The following NUCB1 variants were observed in gnomAD, a reference collection of about 807,000 sequenced individuals.
NUCB1 encodes the protein nucleobindin-1.
A neutral mutation model predicts 61.2 loss-of-function variants in NUCB1; 47 were observed. The observed-to-expected ratio is 0.77, with a 90% CI of 0.61 to 0.98. The LOEUF (loss-of-function observed/expected upper bound fraction) is 0.98, where lower values mean the gene tolerates loss of function less well. Among genes scored for constraint, NUCB1 ranks in the 50% least tolerant of loss-of-function variants. The pLI, the probability that NUCB1 is intolerant of heterozygous loss-of-function variation, is 0.00. For synonymous variants in NUCB1, 234 were observed against 243.1 expected (o/e 0.96, Z 0.35); for missense variants, 583 against 605.3 (o/e 0.96, Z 0.39).
chr19:48,910,739 A>G (rs2037462667), intron 4 of NUCB1, among the ~76,000 whole-genome samples: 1 of 152,092 alleles, frequency 6.6e-6, no homozygotes, highest in Non-Finnish European at 1.5e-5. Context: ...TGGATGTCCA[A>G]TGGCTGGTTC....
Position 48,921,816 on chromosome 19 carries a change from A to C in NUCB1, c.1174-11A>C, listed in dbSNP as rs756148867. 1.2e-6 allele frequency: 2 copies of C among 1,609,634 alleles called. No homozygotes were observed. Among genetic ancestry groups the C allele is most frequent in the Non-Finnish European group, 1.7e-6 (2 of 1,179,262 alleles). On this transcript the variant is annotated splice_polypyrimidine_tract_variant and intron_variant, in intron 11 of 12. Coordinates refer to ENST00000405315, the MANE Select transcript of NUCB1 (RefSeq NM_006184.6). ...CACCCTCTTGTCTGTGTGACCCCCC[A>C]CCTCCCACAGGCTGTGCTGCACATG... is the stretch of plus-strand genomic sequence containing the variant.
chr19:48,903,902 ATGGGTGGATGGATGGATGGATGGG>A (rs2037383600), intron 2 of NUCB1, among the ~76,000 whole-genome samples: 2 of 105,864 alleles, frequency 1.9e-5, no homozygotes, highest in Non-Finnish European at 1.9e-5. Context: ...GGATGGATGG[ATGGGTGGATGGATGGATGGATGGG>A]TGGGTGGGTG....
At chr19:48,911,475 G>C (rs111960681) in intron 5 of NUCB1, among the ~76,000 whole-genome samples, 1 of 146,692 alleles carries the variant, frequency 6.8e-6, no homozygotes, top group African/African-American at 2.5e-5. Context: ...GCACAATCTC[G>C]GCTCACTGCA....
chr19:48,919,490 T>TATTTATTC (rs977587860), intron 10 of NUCB1, among the ~76,000 whole-genome samples: 41 of 150,956 alleles, frequency 2.7e-4, no homozygotes, highest in African/African-American at 7.8e-4. Context: ...TTTATTTATT[T>TATTTATTC]ATTCTGAGAC....
chr19:48,920,671 G>A (rs2037598863), intron 10 of NUCB1, among the ~76,000 whole-genome samples: 1 of 152,010 alleles, frequency 6.6e-6, no homozygotes, highest in Non-Finnish European at 1.5e-5. Flanking sequence ...TTATATGCAT[G>A]TACCACCATG....
Position 48,904,286 on chromosome 19 carries a change from G to C in NUCB1, c.136-61G>C, listed in dbSNP as rs1272372441. 3 of 1,121,910 alleles carry C rather than the reference G, an allele frequency of 2.7e-6. No individual in the cohort carries two copies. The African/African-American group carries it at 4.6e-5, about 17-fold the overall frequency. 69.5% of individuals were successfully genotyped at this position (1,121,910 alleles called of 1,614,324 possible). A position where few individuals can be genotyped will look rare whatever the true frequency, so the allele number is the denominator to read the frequency against. On this transcript the variant is annotated intron_variant, in intron 2 of 12. Coordinates refer to ENST00000405315, the MANE Select transcript of NUCB1 (RefSeq NM_006184.6). Reference sequence around the variant, plus strand: ...CAGGGAGCAGGCCATAGCAGTAACAGGAGTGAGGGTGGGGATGGGGATGGG... The same window carrying C: ...CAGGGAGCAGGCCATAGCAGTAACACGAGTGAGGGTGGGGATGGGGATGGG...
intron 4 of NUCB1, among the ~76,000 whole-genome samples, chr19:48,908,724 GTGTGTGT>G (rs1568584897): frequency 1.9e-3 from 172 of 92,862 alleles, no homozygotes; most frequent in African/African-American, 5.8e-3. Context: ...ACCAAGGGGT[GTGTGTGT>G]GTGTGTGTGT....
chr19:48,909,636 C>A (rs976063667), intron 4 of NUCB1, among the ~76,000 whole-genome samples: 3 of 151,920 alleles, frequency 2.0e-5, no homozygotes, highest in Non-Finnish European at 4.4e-5. Context: ...CCCCCTCCCA[C>A]GCTCAAGTGA....
chr19:48,905,368 T>G (rs1279373714), intron 3 of NUCB1, among the ~76,000 whole-genome samples: 4 of 152,318 alleles, frequency 2.6e-5, no homozygotes, highest in Admixed American at 2.6e-4. Context: ...GGATCTGTCC[T>G]TCTCATGGAC....
chr19:48,902,301 G>T (rs1402950387), intron 2 of NUCB1, among the ~76,000 whole-genome samples: 2 of 151,902 alleles, frequency 1.3e-5, no homozygotes, highest in African/African-American at 4.8e-5. Context: ...AGTAGAGACG[G>T]AGTTTCACCA....
chr19:48,908,721 G>GGTGGGTGTGT lies in NUCB1; in HGVS notation c.377-2425_377-2424insGGTGTGTGTG, dbSNP rs780595245. Among the ~76,000 whole-genome samples the GGTGGGTGTGT allele has an allele frequency of 7.4e-3, 811 of 109,360 alleles. 16 individuals are homozygous for GGTGGGTGTGT. Among genetic ancestry groups the GGTGGGTGTGT allele is most frequent in the Middle Eastern group, 0.015 (3 of 202 alleles). 71.7% of individuals were successfully genotyped at this position (109,360 alleles called of 152,430 possible). A position where few individuals can be genotyped will look rare whatever the true frequency, so the allele number is the denominator to read the frequency against. Reference sequence around the variant, plus strand: ...TGTCTTTCTGCCCACTTGACCAAGGGGTGTGTGTGTGTGTGTGTGTGTGTG... The same window carrying GGTGGGTGTGT: ...TGTCTTTCTGCCCACTTGACCAAGGGGTGGGTGTGTGTGTGTGTGTGTGTGTGTGTGTGTG... On this transcript the variant is annotated intron_variant, in intron 4 of 12. Coordinates refer to ENST00000405315, the MANE Select transcript of NUCB1 (RefSeq NM_006184.6).
intron 1 of NUCB1, 66 bp from the exon 2 acceptor site, chr19:48,900,720 T>G: frequency 6.4e-7 from 1 of 1,555,934 alleles, no homozygotes; most frequent in Non-Finnish European, 8.7e-7. Context: ...CCCGAACTCC[T>G]GGTTCCAGGG....
At chr19:48,922,295 C>A in intron 12 of NUCB1, 23 bp from the exon 13 acceptor site, 1 of 1,598,744 alleles carries the variant, frequency 6.3e-7, no homozygotes, top group Non-Finnish European at 8.6e-7. Context: ...TCCTGTGCCA[C>A]CATTCCCTCC....
chr19:48,920,935 G>A (rs888501762), intron 10 of NUCB1, among the ~76,000 whole-genome samples: 7 of 152,050 alleles, frequency 4.6e-5, no homozygotes, highest in African/African-American at 1.4e-4. Context: ...TCCCACTTTC[G>A]CCTCCCAAAG....
rs758842373 is a variant in NUCB1 at position 48,901,044 on chromosome 19, T to A, written c.135+113T>A. The stretch of plus-strand genomic sequence containing the variant: ...CAGTGACTTCCTGGCCCTACAGTTG[T>A]AGCTTGTTTTTTGCCCACCATTCCT... On this transcript the variant is annotated intron_variant, in intron 2 of 12. Coordinates refer to ENST00000405315, the MANE Select transcript of NUCB1 (RefSeq NM_006184.6). The A allele has an allele frequency of 8.7e-5, 114 of 1,311,186 alleles. No individual in the cohort carries two copies. The Middle Eastern group carries it at 2.5e-3, about 29-fold the overall frequency. The allele number at this position is 1,311,186 out of a possible 1,614,324, so 81.2% of individuals were successfully genotyped here.
At chr19:48,908,724 G>C (rs940641223) in intron 4 of NUCB1, among the ~76,000 whole-genome samples, 1 of 92,794 alleles carries the variant, frequency 1.1e-5, no homozygotes, top group Admixed American at 9.9e-5. Flanking sequence ...ACCAAGGGGT[G>C]TGTGTGTGTG....
At chr19:48,918,987 T>C in intron 8 of NUCB1, 43 bp from the exon 9 acceptor site, 1 of 1,581,392 alleles carries the variant, frequency 6.3e-7, no homozygotes. Context: ...ATGAGCTCGC[T>C]GGGGACCTCT....
chr19:48,913,465 C>T lies in NUCB1; in HGVS notation c.667-9C>T, dbSNP rs986713597. The stretch of plus-strand genomic sequence containing the variant: ...CTTGCTCATGAGCTCCTGGCTCTCC[C>T]CTCCACAGGGCAGCCAAGCCCAGTT... On this transcript the variant is annotated splice_polypyrimidine_tract_variant and intron_variant, in intron 6 of 12. Coordinates refer to ENST00000405315, the MANE Select transcript of NUCB1 (RefSeq NM_006184.6). The T allele has an allele frequency of 1.2e-6, 2 of 1,613,318 alleles. No homozygotes were observed. Among genetic ancestry groups the T allele is most frequent in the African/African-American group, 1.3e-5 (1 of 74,932 alleles).
At chr19:48,922,039 G>A in intron 12 of NUCB1, 107 bp downstream of exon 12, 1 of 902,616 alleles carries the variant, frequency 1.1e-6, no homozygotes. Flanking sequence ...GGGACTGGGG[G>A]CCCAGACTCC....
Sources: allele counts gnomAD v4.1 joint callset (sites outside exome capture counted in the v4.1 genomes callset), GRCh38; gene constraint gnomAD v4.1.1; transcripts MANE v1.5; gene names NCBI Gene and HGNC (gene_info 2026-07-23, HGNC 2026-07-21).